Variants in PHLPP1 observed in about 807,000 individuals in gnomAD.
PHLPP1 encodes PH domain and leucine rich repeat protein phosphatase 1.
Under a neutral mutation model 117.2 loss-of-function variants are expected in PHLPP1, and 42 were observed. The ratio of observed to expected loss-of-function variants is 0.36; its 90% CI spans 0.28 to 0.46. The LOEUF (loss-of-function observed/expected upper bound fraction) is 0.46, where lower values mean the gene tolerates loss of function less well. PHLPP1 is among the 20% of genes least tolerant of loss of function. The probability of loss-of-function intolerance (pLI) is 1.00; values close to 1 mark genes in which losing one functional copy is unlikely to be tolerated. For synonymous variants in PHLPP1, 1,042 were observed against 970.7 expected, an observed-to-expected ratio of 1.07 and a Z score of -1.37; for missense variants, 2,084 against 2,241.9, an observed-to-expected ratio of 0.93 and a Z score of 1.42.
intron 1 of PHLPP1, among the ~76,000 whole-genome samples, chr18:62,767,724 A>G (rs1358963653): frequency 2.0e-5 from 3 of 152,188 alleles, no homozygotes; most frequent in Admixed American, 1.3e-4. Flanking sequence ...AGCTGTTTGA[A>G]TCTGGTGGCA....
chr18:62,929,963 A>G (rs1365430266), intron 10 of PHLPP1, among the ~76,000 whole-genome samples: 2 of 152,150 alleles, frequency 1.3e-5, no homozygotes, highest in Non-Finnish European at 2.9e-5. Flanking sequence ...AACAAAATAA[A>G]AAATAATGCG....
intron 3 of PHLPP1, among the ~76,000 whole-genome samples, chr18:62,841,494 G>A (rs1452834203): frequency 2.0e-5 from 3 of 150,192 alleles, no homozygotes; most frequent in Non-Finnish European, 4.4e-5. Context: ...CACCATACCC[G>A]GCTAATTTTT....
chr18:62,818,634 C>T (rs1291319954), intron 1 of PHLPP1, among the ~76,000 whole-genome samples: 5 of 152,150 alleles, frequency 3.3e-5, no homozygotes, highest in Non-Finnish European at 7.4e-5. Context: ...AATGTCAAGC[C>T]ATTGAGGTCA....
intron 4 of PHLPP1, among the ~76,000 whole-genome samples, chr18:62,862,183 G>A (rs1049602736): frequency 2.0e-5 from 3 of 151,800 alleles, no homozygotes; most frequent in African/African-American, 7.3e-5. Context: ...GCGTTCTAGT[G>A]ATTCTCCCGC....
chr18:62,775,818 A>G (rs972119062), intron 1 of PHLPP1, among the ~76,000 whole-genome samples: 1 of 152,114 alleles, frequency 6.6e-6, no homozygotes, highest in African/African-American at 2.4e-5. Context: ...TCATCCCCAG[A>G]AGTTTTCTCA....
At chr18:62,792,355 G>A (rs1004984447) in intron 1 of PHLPP1, among the ~76,000 whole-genome samples, 2 of 152,188 alleles carry the variant, frequency 1.3e-5, no homozygotes, top group African/African-American at 4.8e-5. Context: ...GTGTGAAACA[G>A]TAGATTTTAT....
chr18:62,979,254 T>C lies in PHLPP1; in HGVS notation c.4977T>C (p.Asp1659=), dbSNP rs753264760. 11 of 1,582,798 alleles carry C rather than the reference T, an allele frequency of 6.9e-6. No homozygotes were observed. The Admixed American group carries it at 1.3e-4, about 18-fold the overall frequency. ...GGYFAAPAQP[D]PDDQFIIPPE... is the part of the protein sequence containing the mutation. ...ATTTTGCTGCCCCGGCTCAGCCGGA[T>C]CCTGATGATCAGTTTATCATACCCC... The change falls in exon 17 of 17, where the codon GAT becomes GAC. Residue 1659 remains aspartate (D), a synonymous_variant. Coordinates refer to ENST00000262719, the MANE Select transcript of PHLPP1 (RefSeq NM_194449.4).
intron 4 of PHLPP1, among the ~76,000 whole-genome samples, chr18:62,894,525 G>A (rs917790980): frequency 3.9e-5 from 6 of 152,176 alleles, no homozygotes; most frequent in Non-Finnish European, 8.8e-5. Flanking sequence ...TTGGAACTGC[G>A]AAGTCCTGGT....
intron 10 of PHLPP1, among the ~76,000 whole-genome samples, chr18:62,939,668 C>T (rs1404758602): frequency 2.7e-5 from 4 of 147,968 alleles, no homozygotes; most frequent in Non-Finnish European, 5.9e-5. Context: ...CAACGGAATA[C>T]GTGTTTCTTT....
chr18:62,776,402 G>A (rs760041199), intron 1 of PHLPP1, among the ~76,000 whole-genome samples: 46 of 152,180 alleles, frequency 3.0e-4, no homozygotes, highest in Non-Finnish European at 5.4e-4. Flanking sequence ...CCACATTATA[G>A]AGGGAAGTCT....
intron 4 of PHLPP1, among the ~76,000 whole-genome samples, chr18:62,884,454 C>A (rs1360278568): frequency 6.6e-6 from 1 of 152,204 alleles, no homozygotes; most frequent in Non-Finnish European, 1.5e-5. Context: ...AAAGAAAATA[C>A]AGTGAGTCTT....
chr18:62,860,082 A>G (rs1915594762), intron 3 of PHLPP1, among the ~76,000 whole-genome samples: 1 of 152,246 alleles, frequency 6.6e-6, no homozygotes, highest in African/African-American at 2.4e-5. Context: ...AAACCTGTGT[A>G]GCATGTTACT....
intron 3 of PHLPP1, among the ~76,000 whole-genome samples, chr18:62,852,223 T>A (rs946227605): frequency 1.3e-5 from 2 of 152,094 alleles, no homozygotes; most frequent in African/African-American, 4.8e-5. Flanking sequence ...CATTTAACCA[T>A]TTAAGAAAAA....
intron 16 of PHLPP1, among the ~76,000 whole-genome samples, chr18:62,975,979 C>T (rs1333448448): frequency 6.6e-6 from 1 of 152,202 alleles, no homozygotes; most frequent in Non-Finnish European, 1.5e-5. Context: ...GACCTTTAAA[C>T]CTCTCTAAGC....
At chr18:62,804,612 T>A (rs191150503) in intron 1 of PHLPP1, among the ~76,000 whole-genome samples, 112 of 152,212 alleles carry the variant, frequency 7.4e-4, no homozygotes, top group African/African-American at 2.6e-3. Context: ...AGAGGCTTTT[T>A]AAATGTATTC....
chr18:62,854,308 T>C (rs1351224427), intron 3 of PHLPP1, among the ~76,000 whole-genome samples: 1 of 152,254 alleles, frequency 6.6e-6, no homozygotes, highest in African/African-American at 2.4e-5. Flanking sequence ...CTTATACTTT[T>C]CCTGTAACCT....
At chr18:62,969,929 C>T (rs1458485002) in intron 14 of PHLPP1, among the ~76,000 whole-genome samples, 6 of 151,920 alleles carry the variant, frequency 3.9e-5, no homozygotes, top group Non-Finnish European at 5.9e-5. Context: ...TTTGTCTTTT[C>T]GGTAGTGTTA....
chr18:62,924,767 G>A (rs1441568692), intron 10 of PHLPP1, among the ~76,000 whole-genome samples: 2 of 149,192 alleles, frequency 1.3e-5, no homozygotes, highest in South Asian at 4.5e-4. Context: ...GAGCCTAGGA[G>A]TTCGAGGCTG....
At chr18:62,722,313 T>C (rs188137910) in intron 1 of PHLPP1, among the ~76,000 whole-genome samples, 277 of 152,302 alleles carry the variant, frequency 1.8e-3, no homozygotes, top group Middle Eastern at 3.4e-3. Context: ...AATGATTTTG[T>C]TATGTGCCAG....
Sources: allele counts gnomAD v4.1 joint callset (sites outside exome capture counted in the v4.1 genomes callset), GRCh38; gene constraint gnomAD v4.1.1; transcripts MANE v1.5; gene names NCBI Gene and HGNC (gene_info 2026-07-23, HGNC 2026-07-21).